PDZRN4: variants seen among roughly 807,000 people sequenced by gnomAD.
The protein encoded by PDZRN4 is PDZ domain containing ring finger 4, also known as PDZ domain-containing RING finger protein 4.
PDZRN4 carries 70 observed loss-of-function variants against 99.0 expected under a neutral mutation model. That is an observed-to-expected ratio of 0.71 (90% CI 0.58 to 0.86). The LOEUF (loss-of-function observed/expected upper bound fraction) is 0.86, where lower values mean the gene tolerates loss of function less well. PDZRN4 is among the 40% of genes least tolerant of loss of function. The probability of loss-of-function intolerance (pLI) is 0.00; values close to 1 mark genes in which losing one functional copy is unlikely to be tolerated. For synonymous variants in PDZRN4, 551 were observed against 501.6 expected (o/e 1.10, Z -1.32); for missense variants, 1,474 against 1,331.2 (o/e 1.11, Z -1.67).
chr12:41,349,199 G>A (rs1053529112), intron 3 of PDZRN4, among the ~76,000 whole-genome samples: 1 of 151,776 alleles, frequency 6.6e-6, no homozygotes, highest in African/African-American at 2.4e-5. Flanking sequence ...AGGATATTCT[G>A]TGAATAAAAG....
chr12:41,399,377 A>G (rs1055790671), intron 3 of PDZRN4, among the ~76,000 whole-genome samples: 10 of 152,150 alleles, frequency 6.6e-5, no homozygotes, highest in African/African-American at 2.4e-4. Flanking sequence ...CAACTTGCTA[A>G]AGATTTCTTT....
intron 3 of PDZRN4, among the ~76,000 whole-genome samples, chr12:41,222,650 C>T (rs1324606101): frequency 6.6e-6 from 1 of 152,232 alleles, no homozygotes. Context: ...TCCCAAGTAG[C>T]TGGGATTACA....
At chr12:41,290,337 C>A (rs1951450119) in intron 3 of PDZRN4, among the ~76,000 whole-genome samples, 1 of 152,122 alleles carries the variant, frequency 6.6e-6, no homozygotes, top group African/African-American at 2.4e-5. Context: ...TTCAAAACAT[C>A]TTTTGTTTGG....
At position 41,237,563 on chromosome 12, in the gene PDZRN4, A is replaced by G. The variant is rs77121697; in HGVS notation, c.843+43375A>G. 2.4e-3 allele frequency among the ~76,000 whole-genome samples: 371 copies of G among 152,232 alleles called. 2 individuals carry two copies. The highest frequency in any genetic ancestry group is 8.8e-3 in the African/African-American group (364 of 41,538). On this transcript the variant is annotated intron_variant, in intron 3 of 9. Coordinates refer to ENST00000402685, the MANE Select transcript of PDZRN4 (RefSeq NM_001164595.2). ...TGCCCATACCTATGTCCTGAATGGT[A>G]TTGCCTAGATTTTCTTCTAGGATTT... is the stretch of plus-strand genomic sequence containing the variant.
intron 3 of PDZRN4, among the ~76,000 whole-genome samples, chr12:41,385,716 A>G (rs1327639830): frequency 6.6e-6 from 1 of 152,186 alleles, no homozygotes; most frequent in East Asian, 1.9e-4. Context: ...GACCAGATGG[A>G]TTCATAGCTG....
intron 3 of PDZRN4, among the ~76,000 whole-genome samples, chr12:41,400,591 G>A (rs1952282348): frequency 6.6e-6 from 1 of 152,010 alleles, no homozygotes; most frequent in Admixed American, 6.6e-5. Context: ...GCCCTAAAAT[G>A]TTTACAGCTT....
intron 3 of PDZRN4, among the ~76,000 whole-genome samples, chr12:41,407,248 G>C (rs924954249): frequency 6.6e-6 from 1 of 152,150 alleles, no homozygotes; most frequent in African/African-American, 2.4e-5. Flanking sequence ...TTGGATAATG[G>C]AGTGGACTTA....
At chr12:41,217,390 T>A (rs1453186741) in intron 3 of PDZRN4, among the ~76,000 whole-genome samples, 2 of 152,048 alleles carry the variant, frequency 1.3e-5, no homozygotes, top group Admixed American at 6.6e-5. Flanking sequence ...ATGATTTTCC[T>A]GTTGTGCTGG....
intron 3 of PDZRN4, among the ~76,000 whole-genome samples, chr12:41,205,625 C>T (rs538829515): frequency 6.6e-6 from 1 of 152,066 alleles, no homozygotes; most frequent in East Asian, 1.9e-4. Context: ...GCTCAGATAT[C>T]ACCATTGCAG....
At chr12:41,304,016 A>G (rs1260025419) in intron 3 of PDZRN4, among the ~76,000 whole-genome samples, 1 of 152,212 alleles carries the variant, frequency 6.6e-6, no homozygotes, top group Non-Finnish European at 1.5e-5. Flanking sequence ...ATATAAAGAT[A>G]TTATGAGACT....
intron 3 of PDZRN4, among the ~76,000 whole-genome samples, chr12:41,304,914 A>G (rs917075603): frequency 1.3e-5 from 2 of 152,210 alleles, no homozygotes; most frequent in Non-Finnish European, 2.9e-5. Context: ...TAAACATACT[A>G]CATGGTTGGG....
At position 41,377,440 on chromosome 12, in the gene PDZRN4, G is replaced by A. The variant is rs992169913; in HGVS notation, c.844-129016G>A. On this transcript the variant is annotated intron_variant, in intron 3 of 9. Transcript: ENST00000402685. ...GTTTTCTTGGGAGGCCAAGGCGGGC[G>A]GATCACAAGGTCAGGAGATCAAGAC... 3.3e-5 allele frequency among the ~76,000 whole-genome samples: 5 copies of A among 152,064 alleles called. No homozygotes were observed. In the East Asian group the frequency reaches 5.8e-4, roughly 18 times the overall value.
intron 3 of PDZRN4, among the ~76,000 whole-genome samples, chr12:41,254,050 T>A (rs905975523): frequency 1.3e-5 from 2 of 151,808 alleles, no homozygotes; most frequent in Non-Finnish European, 2.9e-5. Flanking sequence ...TGTGTGTGTG[T>A]GTGTGTTTGC....
chr12:41,260,838 A>G (rs1322336193), intron 3 of PDZRN4, among the ~76,000 whole-genome samples: 2 of 152,164 alleles, frequency 1.3e-5, no homozygotes, highest in Admixed American at 6.5e-5. Flanking sequence ...AAACATTAAC[A>G]TTTCTCATAC....
At chr12:41,430,107 T>C (rs1323311865) in intron 3 of PDZRN4, among the ~76,000 whole-genome samples, 1 of 152,180 alleles carries the variant, frequency 6.6e-6, no homozygotes, top group Non-Finnish European at 1.5e-5. Context: ...TTGCAAGAAA[T>C]CTTGCTTCAG....
At chr12:41,471,640 A>T (rs981742769) in intron 3 of PDZRN4, among the ~76,000 whole-genome samples, 2 of 150,852 alleles carry the variant, frequency 1.3e-5, no homozygotes, top group Non-Finnish European at 3.0e-5. Context: ...TTATACAGAA[A>T]CTCAGAGATA....
At chr12:41,490,798 G>T (rs1257315833) in intron 3 of PDZRN4, among the ~76,000 whole-genome samples, 1 of 151,880 alleles carries the variant, frequency 6.6e-6, no homozygotes, top group East Asian at 1.9e-4. Context: ...CCTCTACTTG[G>T]AACTTCTACT....
At chr12:41,226,200 T>A (rs1323520218) in intron 3 of PDZRN4, among the ~76,000 whole-genome samples, 1 of 152,128 alleles carries the variant, frequency 6.6e-6, no homozygotes, top group Non-Finnish European at 1.5e-5. Context: ...ACCAGCTTCA[T>A]GGCTTTGCTC....
rs2121042178 is a variant in PDZRN4 at position 41,352,520 on chromosome 12, T to A, written c.844-153936T>A. ...GTTGTCAATTCTTTCACTCTATGTA[T>A]TCCAGAACTTCTGTTACATGTTTTA... is the stretch of plus-strand genomic sequence containing the variant. On this transcript the variant is annotated intron_variant, in intron 3 of 9. Transcript: ENST00000402685. Among the ~76,000 whole-genome samples, 3 of 152,270 alleles carry A rather than the reference T, an allele frequency of 2.0e-5. No homozygotes were observed. The South Asian group carries it at 6.2e-4, about 32-fold the overall frequency.
Sources: gnomAD v4.1 joint callset for allele counts (sites outside exome capture counted in the v4.1 genomes callset) on GRCh38, gnomAD v4.1.1 for gene constraint, MANE v1.5 for transcripts, NCBI Gene and HGNC (gene_info 2026-07-23, HGNC 2026-07-21) for gene names.